The following CACNA2D2 variants were observed in gnomAD, a reference collection of about 807,000 sequenced individuals.
CACNA2D2 encodes the protein voltage-dependent calcium channel subunit alpha-2/delta-2.
CACNA2D2 carries 48 observed loss-of-function variants against 166.4 expected under a neutral mutation model. The ratio of observed to expected loss-of-function variants is 0.29; its 90% CI spans 0.23 to 0.37. The LOEUF (loss-of-function observed/expected upper bound fraction) is 0.37. CACNA2D2 is among the 10% of genes least tolerant of loss of function. CACNA2D2 has a pLI of 1.00. For missense variants in CACNA2D2, 1,122 were observed against 1,433.0 expected (o/e 0.78, Z 3.50); for synonymous variants, 561 against 573.7 (o/e 0.98, Z 0.32).
intron 2 of CACNA2D2, among the ~76,000 whole-genome samples, chr3:50,455,319 C>T (rs1298811908): frequency 1.3e-5 from 2 of 152,222 alleles, no homozygotes; most frequent in African/African-American, 4.8e-5. Flanking sequence ...TCACTCCGCT[C>T]TCTGGGGGCC....
rs1553729735 is a variant in CACNA2D2, at chr3:50,379,152, C to T, written c.1200G>A (p.Thr400=). Residue 400 remains threonine, a synonymous_variant, in exon 12 of 38, where the codon ACG becomes ACA. Transcript: ENST00000424201. The surrounding 1 kb of genome is among the most constrained non-coding windows in gnomAD (Gnocchi z 6.5). ...ANCNKMIMMF[T]DGGEDRVQDV... ...CCTGCACGCGGTCCTCACCACCATC[C>T]GTGAACATCATGATCATCTTGTTGC... 1 of 1,614,024 alleles carries T rather than the reference C, an allele frequency of 6.2e-7. No individual in the cohort carries two copies. Among genetic ancestry groups the T allele is most frequent in the Non-Finnish European group, 8.5e-7 (1 of 1,180,006 alleles).
intron 1 of CACNA2D2, among the ~76,000 whole-genome samples, chr3:50,485,399 T>G (rs74952835): frequency 6.6e-6 from 1 of 152,252 alleles, no homozygotes; most frequent in African/African-American, 2.4e-5. Flanking sequence ...AGCAAGATCA[T>G]TCACCTTTTA....
intron 1 of CACNA2D2, 101 bp from the exon 2 acceptor site, chr3:50,476,300 C>T: frequency 1.2e-6 from 1 of 862,864 alleles, no homozygotes; most frequent in Non-Finnish European, 1.8e-6. Flanking sequence ...TATCCACTCA[C>T]ACCCCAATTT....
chr3:50,378,409 G>T, intron 13 of CACNA2D2, 76 bp from the exon 14 acceptor site: 2 of 1,420,386 alleles, frequency 1.4e-6, no homozygotes, highest in Non-Finnish European at 1.9e-6. Context: ...TGCCCCTGGG[G>T]TGTGTCTGCA....
At position 50,376,522 on chromosome 3, in the gene CACNA2D2, T is replaced by G. The variant is rs1049251476; in HGVS notation, c.1627-334A>C. Among the ~76,000 whole-genome samples, 4 of 152,190 alleles carry G rather than the reference T, an allele frequency of 2.6e-5. No homozygotes were observed. Among genetic ancestry groups the G allele is most frequent in the Admixed American group, 6.5e-5 (1 of 15,288 alleles). ...CACAGGTCTGCTGCTTCTGTACCCC[T>G]GTGGCCCTCCTCTAGCCACTACTGC... On this transcript the variant is annotated intron_variant, in intron 17 of 37. Transcript: ENST00000424201. This position sits in a 1 kb window ranked among gnomAD's most constrained non-coding sequence, Gnocchi z 4.3.
At position 50,376,742 on chromosome 3, in the gene CACNA2D2, T is replaced by G. The variant is rs1231390263; in HGVS notation, c.1627-554A>C. ...GCCAACTGCCACAGCCCCTGCCCAC[T>G]CAGGGCCAAGCAGAGGCTTCAGGGG... is the stretch of plus-strand genomic sequence containing the variant. On this transcript the variant is annotated intron_variant, in intron 17 of 37. Transcript: ENST00000424201. The surrounding 1 kb of genome is among the most constrained non-coding windows in gnomAD (Gnocchi z 4.3). Among the ~76,000 whole-genome samples, 5 of 152,084 alleles carry G rather than the reference T, an allele frequency of 3.3e-5. No individual in the cohort carries two copies. In the East Asian group the frequency reaches 9.6e-4, roughly 29 times the overall value.
intron 1 of CACNA2D2, among the ~76,000 whole-genome samples, chr3:50,481,301 G>A (rs1413639375): frequency 6.6e-6 from 1 of 152,124 alleles, no homozygotes; most frequent in African/African-American, 2.4e-5. Context: ...GAACACCCGA[G>A]CTCTGCCTCT....
intron 4 of CACNA2D2, among the ~76,000 whole-genome samples, chr3:50,388,149 C>T (rs1005845842): frequency 6.6e-6 from 1 of 152,210 alleles, no homozygotes; most frequent in Admixed American, 6.5e-5. Flanking sequence ...GCCTCCCAGC[C>T]CTCACCCGCC....
At chr3:50,404,525 C>T (rs1706600671) in intron 3 of CACNA2D2, among the ~76,000 whole-genome samples, 1 of 152,182 alleles carries the variant, frequency 6.6e-6, no homozygotes, top group South Asian at 2.1e-4. Context: ...GCCCTGGTGC[C>T]AGATCAGTGC....
At chr3:50,388,359 T>C (rs1705716860) in intron 4 of CACNA2D2, among the ~76,000 whole-genome samples, 1 of 152,160 alleles carries the variant, frequency 6.6e-6, no homozygotes, top group Admixed American at 6.5e-5. Context: ...CCAAGTGCCA[T>C]TGGCTCAGGA....
intron 2 of CACNA2D2, among the ~76,000 whole-genome samples, chr3:50,456,381 G>C (rs1709360515): frequency 6.6e-6 from 1 of 152,180 alleles, no homozygotes; most frequent in South Asian, 2.1e-4. Context: ...ATTCACAGCT[G>C]AGTGGGTCTA....
At position 50,409,841 on chromosome 3, in the gene CACNA2D2, C is replaced by T. The variant is rs1282924067; in HGVS notation, c.406-15673G>A. Reference sequence around the variant, plus strand: ...GCGTGGAGTGGGAGACACTGTGTGGCTGGGGATGGACCCAGCGGGCACGAG... The same window carrying T: ...GCGTGGAGTGGGAGACACTGTGTGGTTGGGGATGGACCCAGCGGGCACGAG... On this transcript the variant is annotated intron_variant, in intron 3 of 37. Transcript: ENST00000424201. 2.0e-5 allele frequency among the ~76,000 whole-genome samples: 3 copies of T among 152,208 alleles called. No homozygotes were observed. The East Asian group carries it at 5.8e-4, about 29-fold the overall frequency.
intron 22 of CACNA2D2, among the ~76,000 whole-genome samples, chr3:50,371,569 G>A (rs941952861): frequency 1.3e-5 from 2 of 152,080 alleles, no homozygotes; most frequent in South Asian, 4.1e-4. Flanking sequence ...GCTCTCTTTT[G>A]CTCCCAGGGC....
intron 1 of CACNA2D2, among the ~76,000 whole-genome samples, chr3:50,488,890 T>C (rs1002161088): frequency 3.3e-5 from 5 of 151,988 alleles, no homozygotes; most frequent in East Asian, 1.9e-4. Flanking sequence ...TTAGTAGAGA[T>C]GGGGTTTCAC....
At chr3:50,435,761 C>T (rs573512579) in intron 2 of CACNA2D2, among the ~76,000 whole-genome samples, 13 of 152,288 alleles carry the variant, frequency 8.5e-5, no homozygotes, top group African/African-American at 1.7e-4. Context: ...CTCCTCCCGC[C>T]ACCCCCATCC....
intron 1 of CACNA2D2, among the ~76,000 whole-genome samples, chr3:50,498,096 G>C (rs533976323): frequency 6.6e-6 from 1 of 152,132 alleles, no homozygotes; most frequent in African/African-American, 2.4e-5. Flanking sequence ...GCAAATCTCC[G>C]CACGGGAGTG....
At chr3:50,417,647 TC>T (rs1707326199) in intron 3 of CACNA2D2, among the ~76,000 whole-genome samples, 1 of 152,188 alleles carries the variant, frequency 6.6e-6, no homozygotes, top group Admixed American at 6.5e-5. Context: ...CTCCTCCTCC[TC>T]CTCCTCACTG....
At chr3:50,433,500 G>A (rs1268854136) in intron 3 of CACNA2D2, among the ~76,000 whole-genome samples, 1 of 152,158 alleles carries the variant, frequency 6.6e-6, no homozygotes, top group East Asian at 1.9e-4. Context: ...GACTACAGGT[G>A]TGCATCACCA....
At chr3:50,377,426 C>T in intron 17 of CACNA2D2, 41 bp downstream of exon 17, 1 of 1,521,358 alleles carries the variant, frequency 6.6e-7, no homozygotes, top group Non-Finnish European at 9.1e-7. Context: ...CCTGTGTCCA[C>T]ATGGGAGGCA....
Sources: allele counts gnomAD v4.1 joint callset (sites outside exome capture counted in the v4.1 genomes callset), GRCh38; gene constraint gnomAD v4.1.1; non-coding constraint Gnocchi (gnomAD v3.1); transcripts MANE v1.5; gene names NCBI Gene and HGNC (gene_info 2026-07-23, HGNC 2026-07-21).